PTPRN2: variants seen among roughly 807,000 people sequenced by gnomAD.
PTPRN2 encodes the protein receptor-type tyrosine-protein phosphatase N2.
In PTPRN2, 74 loss-of-function variants were observed where a neutral mutation model predicts 118.8. The observed-to-expected ratio is 0.62, with a 90% CI of 0.52 to 0.76. The LOEUF is 0.76. Among genes scored for constraint, PTPRN2 ranks in the 30% least tolerant of loss-of-function variants. The pLI is 0.00. For synonymous variants in PTPRN2, 641 were observed against 608.0 expected (o/e 1.05, Z -0.80); for missense variants, 1,481 against 1,394.4 (o/e 1.06, Z -0.99).
intron 11 of PTPRN2, among the ~76,000 whole-genome samples, chr7:157,952,213 C>A (rs967994328): frequency 2.0e-5 from 3 of 152,158 alleles, no homozygotes; most frequent in Non-Finnish European, 4.4e-5. Context: ...GTGCAGCTAG[C>A]CTCGCCAGAC....
intron 3 of PTPRN2, among the ~76,000 whole-genome samples, chr7:158,287,870 G>T (rs1438394935): frequency 6.6e-6 from 1 of 152,042 alleles, no homozygotes; most frequent in Non-Finnish European, 1.5e-5. Context: ...TTTCCTTATT[G>T]ATTTTCTGTC....
intron 3 of PTPRN2, among the ~76,000 whole-genome samples, chr7:158,256,514 C>A (rs973075762): frequency 6.6e-6 from 1 of 151,470 alleles, no homozygotes; most frequent in Non-Finnish European, 1.5e-5. Context: ...ACTAAGGCCC[C>A]GGAAGACCTA....
chr7:157,900,840 GCT>G (rs765019361), intron 11 of PTPRN2, among the ~76,000 whole-genome samples: 1 of 152,202 alleles, frequency 6.6e-6, no homozygotes, highest in Non-Finnish European at 1.5e-5. Context: ...CTGTGTAAAT[GCT>G]CCCATCACAG....
chr7:157,935,663 T>A (rs539301980), intron 11 of PTPRN2, among the ~76,000 whole-genome samples: 2 of 152,262 alleles, frequency 1.3e-5, no homozygotes, highest in Non-Finnish European at 2.9e-5. Flanking sequence ...TTTCTTAACA[T>A]GTTTAGCAAT....
At chr7:158,193,041 TG>T (rs1374077925) in intron 4 of PTPRN2, among the ~76,000 whole-genome samples, 7 of 152,232 alleles carry the variant, frequency 4.6e-5, no homozygotes, top group Admixed American at 2.6e-4. Context: ...GTCCATGCAG[TG>T]CTCTCAGCCC....
intron 3 of PTPRN2, among the ~76,000 whole-genome samples, chr7:158,238,582 T>C (rs1253265979): frequency 6.6e-6 from 1 of 152,166 alleles, no homozygotes; most frequent in Non-Finnish European, 1.5e-5. Flanking sequence ...TTGTTAACCA[T>C]TGCTCCAGGA....
In PTPRN2 at chr7:157,729,091, G is replaced by A. The variant is rs974328826; in HGVS notation, c.1789-46154C>T. ...CCGGGCCTTTGAAAATAGTCGGGGA[G>A]GAAAACAGAAAAGATGCAGAAGTTG... On this transcript the variant is annotated intron_variant, in intron 12 of 22. Transcript: ENST00000389418. The surrounding 1 kb of genome is among the most constrained non-coding windows in gnomAD (Gnocchi z 4.3). 3.3e-5 allele frequency among the ~76,000 whole-genome samples: 5 copies of A among 151,986 alleles called. No homozygotes were observed. The highest frequency in any genetic ancestry group is 1.2e-4 in the African/African-American group (5 of 41,364).
In PTPRN2 at chr7:157,576,602, G is replaced by C. The variant is rs760577958; in HGVS notation, c.2783+11C>G. 6.2e-7 allele frequency: 1 copy of C among 1,600,722 alleles called. No individual in the cohort carries two copies. Among genetic ancestry groups the C allele is most frequent in the Admixed American group, 1.7e-5 (1 of 58,998 alleles). ...GCGCGCACTGCCCTGCCGGCGGGCC[G>C]CGCGTCATACCTGCGGAAGTCCAGG... On this transcript the variant is annotated intron_variant, in intron 19 of 22. Transcript: ENST00000389418.
intron 1 of PTPRN2, among the ~76,000 whole-genome samples, chr7:158,500,033 T>TAAAA (rs34436604): frequency 8.2e-6 from 1 of 121,614 alleles, no homozygotes; most frequent in African/African-American, 3.2e-5. Context: ...ACACTTGAGC[T>TAAAA]AAAAAAAAAA....
In PTPRN2 at chr7:157,603,931, T is replaced by C. The variant is rs1801846737; in HGVS notation, c.2418+71A>G. On this transcript the variant is annotated intron_variant, in intron 16 of 22. Transcript: ENST00000389418. The surrounding 1 kb of genome is among the most constrained non-coding windows in gnomAD (Gnocchi z 5.4). ...GGGACGTGATTTCCCCCGAGAACCT[T>C]CCCACGTGATTTGCCGCGTCCGTGC... is the stretch of plus-strand genomic sequence containing the variant. The C allele has an allele frequency of 7.0e-7, 1 of 1,438,576 alleles. No individual in the cohort carries two copies. The highest frequency in any genetic ancestry group is 1.7e-5 in the Admixed American group (1 of 58,572). The allele number at this position is 1,438,576 out of a possible 1,614,324, so 89.1% of individuals were successfully genotyped here.
chr7:158,211,982 G>T (rs1827634818), intron 3 of PTPRN2, among the ~76,000 whole-genome samples: 1 of 152,122 alleles, frequency 6.6e-6, no homozygotes, highest in African/African-American at 2.4e-5. Flanking sequence ...ATCAACAGAT[G>T]AATGGATTTT....
chr7:157,638,380 G>C (rs1282383323), intron 14 of PTPRN2, among the ~76,000 whole-genome samples: 2 of 152,240 alleles, frequency 1.3e-5, no homozygotes, highest in African/African-American at 2.4e-5. Flanking sequence ...ACTGAGCCTG[G>C]AGGGCTCAGT....
intron 11 of PTPRN2, among the ~76,000 whole-genome samples, chr7:157,910,267 G>A (rs1217054359): frequency 1.5e-5 from 2 of 135,368 alleles, no homozygotes; most frequent in Admixed American, 1.5e-4. Context: ...GGGAACGGGT[G>A]CAGGACCACG....
At chr7:158,132,234 T>A (rs1038551560) in intron 9 of PTPRN2, among the ~76,000 whole-genome samples, 10 of 147,360 alleles carry the variant, frequency 6.8e-5, no homozygotes, top group Non-Finnish European at 3.0e-5. Context: ...ATGCACATCA[T>A]ACGGATAACA....
intron 11 of PTPRN2, among the ~76,000 whole-genome samples, chr7:157,908,339 C>T (rs927291012): frequency 6.6e-5 from 10 of 152,236 alleles, no homozygotes; most frequent in African/African-American, 2.2e-4. Flanking sequence ...CCACGTGTTG[C>T]GTGAGGCCTT....
At chr7:158,522,759 T>C (rs1744279993) in intron 1 of PTPRN2, among the ~76,000 whole-genome samples, 2 of 152,158 alleles carry the variant, frequency 1.3e-5, no homozygotes, top group South Asian at 2.1e-4. Flanking sequence ...GGGCTCAGCG[T>C]CTCCCCTGGT....
intron 4 of PTPRN2, among the ~76,000 whole-genome samples, chr7:158,199,337 G>T (rs1323349160): frequency 6.6e-6 from 1 of 152,170 alleles, no homozygotes; most frequent in Non-Finnish European, 1.5e-5. Context: ...CATACCTACT[G>T]CTTTGCTGAT....
chr7:158,587,701 T>G lies in PTPRN2; in HGVS notation c.-32A>C. On this transcript the variant is annotated 5_prime_UTR_variant, in exon 1 of 23. It removes an upstream start codon present in the reference 5' UTR. Coordinates refer to ENST00000389418, the MANE Select transcript of PTPRN2 (RefSeq NM_002847.5). ...GGCCTGGCCGGCGGCGCTCAGTCCA[T>G]GGCCGCGCGGGAGGCGGCGGGAGGC... 8.5e-7 allele frequency: 1 copy of G among 1,170,932 alleles called. No homozygotes were observed. The allele number at this position is 1,170,932 out of a possible 1,614,324, so 72.5% of individuals were successfully genotyped here.
In PTPRN2 at chr7:158,385,899, T is replaced by TCCGTGCTCCTCCTCCCTCCTC. The variant is rs1318500253; in HGVS notation, c.164-68988_164-68968dup. Among the ~76,000 whole-genome samples, 159 of 111,764 alleles carry TCCGTGCTCCTCCTCCCTCCTC rather than the reference T, an allele frequency of 1.4e-3. 1 individual carries two copies. The highest frequency in any genetic ancestry group is 4.0e-3 in the South Asian group (12 of 3,010). The allele number at this position is 111,764 out of a possible 152,430, so 73.3% of individuals were successfully genotyped here. On this transcript the variant is annotated intron_variant, in intron 2 of 22. Coordinates refer to ENST00000389418, the MANE Select transcript of PTPRN2 (RefSeq NM_002847.5). ...TCCTCCCATGCCCCGAGTCCCTCCTTCCGTGCTCCTCCTCCCTCCTCCCAT... is the reference window on the plus strand; with the variant it reads ...TCCTCCCATGCCCCGAGTCCCTCCTTCCGTGCTCCTCCTCCCTCCTCCCGTGCTCCTCCTCCCTCCTCCCAT...
Sources: gnomAD v4.1 joint callset for allele counts (sites outside exome capture counted in the v4.1 genomes callset) on GRCh38, gnomAD v4.1.1 for gene constraint, Gnocchi (gnomAD v3.1) non-coding constraint, MANE v1.5 for transcripts, NCBI Gene and HGNC (gene_info 2026-07-23, HGNC 2026-07-21) for gene names.